PCDHGA7: variants seen among roughly 807,000 people sequenced by gnomAD.
The protein encoded by PCDHGA7 is protocadherin gamma-A7.
PCDHGA7 carries 44 observed loss-of-function variants against 58.3 expected under a neutral mutation model. The observed-to-expected ratio is 0.75, with a 90% CI of 0.59 to 0.97. PCDHGA7 has a LOEUF of 0.97. Among genes scored for constraint, PCDHGA7 ranks in the 50% least tolerant of loss-of-function variants. The pLI, the probability that PCDHGA7 is intolerant of heterozygous loss-of-function variation, is 0.00. For synonymous variants in PCDHGA7, 516 were observed against 504.2 expected, an observed-to-expected ratio of 1.02 and a Z score of -0.31; for missense variants, 1,266 against 1,188.7, an observed-to-expected ratio of 1.06 and a Z score of -0.96.
At chr5:141,428,255 G>C in intron 1 of PCDHGA7, 1 of 875,580 alleles carries the variant, frequency 1.1e-6, no homozygotes, top group Non-Finnish European at 1.8e-6. Flanking sequence ...CCAGACTTCA[G>C]TGACAGTCCT....
intron 1 of PCDHGA7, among the ~76,000 whole-genome samples, chr5:141,402,192 CTT>C (rs1205831935): frequency 6.6e-6 from 1 of 152,006 alleles, no homozygotes; most frequent in Non-Finnish European, 1.5e-5. Flanking sequence ...ATTAATATTA[CTT>C]TTATAATACA....
rs1158395811 is a variant in PCDHGA7, at chr5:141,476,020, T to TCGGCGCC, written c.2425-18785_2425-18779dup. The stretch of plus-strand genomic sequence containing the variant: ...CGGCATCCAGAAAGCCATGTCGGAC[T>TCGGCGCC]CGGCGCCCAGCGCCCAAGCGCTAAC... On this transcript the variant is annotated intron_variant, in intron 1 of 3. Transcript: ENST00000518325. The surrounding 1 kb of genome is among the most constrained non-coding windows in gnomAD (Gnocchi z 7.6). 2.1e-6 allele frequency: 3 copies of TCGGCGCC among 1,398,716 alleles called. No homozygotes were observed. The African/African-American group carries it at 4.3e-5, about 20-fold the overall frequency. The allele number at this position is 1,398,716 out of a possible 1,614,324, so 86.6% of individuals were successfully genotyped here. A position where few individuals can be genotyped will look rare whatever the true frequency, so the allele number is the denominator to read the frequency against.
chr5:141,404,683 GGCACCCCGCTCT>G (rs1306876302), intron 1 of PCDHGA7: 2 of 1,614,070 alleles, frequency 1.2e-6, no homozygotes, highest in Admixed American at 1.7e-5. Context: ...GTGTGGAGCT[GGCACCCCGCTCT>G]GCAGAGCCTG....
At chr5:141,428,400 G>C (rs373595231) in intron 1 of PCDHGA7, 4 of 483,290 alleles carry the variant, frequency 8.3e-6, no homozygotes, top group African/African-American at 2.0e-5. Flanking sequence ...CCTCTGCCTG[G>C]GGTTGCTTTC....
chr5:141,414,801 G>A, intron 1 of PCDHGA7: 2 of 1,614,218 alleles, frequency 1.2e-6, no homozygotes, highest in Non-Finnish European at 1.7e-6. Flanking sequence ...GCGACAGCGG[G>A]GATCCTCCAC....
chr5:141,433,159 T>C, intron 1 of PCDHGA7: 2 of 1,613,968 alleles, frequency 1.2e-6, no homozygotes, highest in Non-Finnish European at 1.7e-6. Flanking sequence ...CGGTATTTTC[T>C]AAAGACAGTC....
In PCDHGA7 at chr5:141,432,255, C is replaced by T. The variant is rs1561859576; in HGVS notation, c.2424+46932C>T. The T allele has an allele frequency of 6.2e-7, 1 of 1,614,246 alleles. No individual in the cohort carries two copies. The highest frequency in any genetic ancestry group is 8.5e-7 in the Non-Finnish European group (1 of 1,180,048). On this transcript the variant is annotated intron_variant, in intron 1 of 3. Transcript: ENST00000518325. This position sits in a 1 kb window ranked among gnomAD's most constrained non-coding sequence, Gnocchi z 6.0. The stretch of plus-strand genomic sequence containing the variant: ...CTGGCTGAGAACACCATCCAAGGGG[C>T]AAGCCTATCGTCCTACGTGTCCATC...
chr5:141,487,826 T>C lies in PCDHGA7; in HGVS notation c.2425-6981T>C, dbSNP rs1321152837. 24 of 1,187,814 alleles carry C rather than the reference T, an allele frequency of 2.0e-5. No homozygotes were observed. The highest frequency in any genetic ancestry group is 2.8e-5 in the Non-Finnish European group (24 of 856,356). The allele number at this position is 1,187,814 out of a possible 1,614,324, so 73.6% of individuals were successfully genotyped here. On this transcript the variant is annotated intron_variant, in intron 1 of 3. Coordinates refer to ENST00000518325, the MANE Select transcript of PCDHGA7 (RefSeq NM_018920.4). The surrounding 1 kb of genome is among the most constrained non-coding windows in gnomAD (Gnocchi z 5.0). ...ACAGTTTAGCATTGGGGGCGGGTCA[T>C]GCCTATATCTGAGTAAGAAATGAAA... is the stretch of plus-strand genomic sequence containing the variant.
In PCDHGA7 at chr5:141,487,598, C is replaced by T. The variant is rs1450685717; in HGVS notation, c.2425-7209C>T. 6.2e-7 allele frequency: 1 copy of T among 1,614,210 alleles called. No homozygotes were observed. The highest frequency in any genetic ancestry group is 8.5e-7 in the Non-Finnish European group (1 of 1,180,046). ...TCGCCCAAGCTGCCCACCCTCTGAT[C>T]TTCTCTATGGGCTAGAGGTGAGACC... is the stretch of plus-strand genomic sequence containing the variant. On this transcript the variant is annotated intron_variant, in intron 1 of 3. Transcript: ENST00000518325. The surrounding 1 kb of genome is among the most constrained non-coding windows in gnomAD (Gnocchi z 5.0).
chr5:141,476,317 G>T lies in PCDHGA7; in HGVS notation c.2425-18490G>T, dbSNP rs759809060. ...GTAGCCTCTCAGCCCGCAGGTTCCG[G>T]GTGGTGTCTGGAGCTAGCCGAAGAT... On this transcript the variant is annotated intron_variant, in intron 1 of 3. Transcript: ENST00000518325. This position sits in a 1 kb window ranked among gnomAD's most constrained non-coding sequence, Gnocchi z 7.6. 1.9e-6 allele frequency: 3 copies of T among 1,614,170 alleles called. No individual in the cohort carries two copies. The highest frequency in any genetic ancestry group is 1.7e-5 in the Admixed American group (1 of 60,024).
At chr5:141,499,186 T>A (rs1332703037) in intron 2 of PCDHGA7, among the ~76,000 whole-genome samples, 2 of 152,036 alleles carry the variant, frequency 1.3e-5, no homozygotes, top group Non-Finnish European at 2.9e-5. Context: ...AGCAAACCAT[T>A]TCCCCCTTCT....
intron 1 of PCDHGA7, chr5:141,424,599 GATTT>G (rs1016470290): frequency 3.9e-5 from 6 of 152,170 alleles, no homozygotes; most frequent in Non-Finnish European, 8.8e-5. Flanking sequence ...GATGTCTACA[GATTT>G]ATTCAAATAG....
chr5:141,423,233 TC>T, intron 1 of PCDHGA7: 1 of 1,613,860 alleles, frequency 6.2e-7, no homozygotes, highest in Non-Finnish European at 8.5e-7. Flanking sequence ...GCCGACAGCA[TC>T]CCCGAAGTCC....
chr5:141,490,874 A>C lies in PCDHGA7; in HGVS notation c.2425-3933A>C. 1 of 1,613,948 alleles carries C rather than the reference A, an allele frequency of 6.2e-7. No homozygotes were observed. The highest frequency in any genetic ancestry group is 1.3e-5 in the African/African-American group (1 of 75,054). The stretch of plus-strand genomic sequence containing the variant: ...CGAGACTCCGGCTCTCCCCCATTGC[A>C]TGCCAACACATCTCTGCATGTGTTT... On this transcript the variant is annotated intron_variant, in intron 1 of 3. Coordinates refer to ENST00000518325, the MANE Select transcript of PCDHGA7 (RefSeq NM_018920.4). The surrounding 1 kb of genome is among the most constrained non-coding windows in gnomAD (Gnocchi z 5.4).
In PCDHGA7 at chr5:141,490,935, G is replaced by A. The variant is rs1371144225; in HGVS notation, c.2425-3872G>A. On this transcript the variant is annotated intron_variant, in intron 1 of 3. Transcript: ENST00000518325. The surrounding 1 kb of genome is among the most constrained non-coding windows in gnomAD (Gnocchi z 5.4). ...AGAATGATAATGCCCCAGCTGTGCTGCACCCACGGCCAGACTGGGAACACT... is the reference window on the plus strand; with the variant it reads ...AGAATGATAATGCCCCAGCTGTGCTACACCCACGGCCAGACTGGGAACACT... 1.9e-6 allele frequency: 3 copies of A among 1,613,638 alleles called. No homozygotes were observed. The highest frequency in any genetic ancestry group is 2.2e-5 in the South Asian group (2 of 91,032).
chr5:141,487,596 A>T lies in PCDHGA7; in HGVS notation c.2425-7211A>T. The stretch of plus-strand genomic sequence containing the variant: ...GTTCGCCCAAGCTGCCCACCCTCTG[A>T]TCTTCTCTATGGGCTAGAGGTGAGA... On this transcript the variant is annotated intron_variant, in intron 1 of 3. Transcript: ENST00000518325. The surrounding 1 kb of genome is among the most constrained non-coding windows in gnomAD (Gnocchi z 5.0). The T allele has an allele frequency of 1.2e-6, 2 of 1,614,108 alleles. No individual in the cohort carries two copies. Among genetic ancestry groups the T allele is most frequent in the Non-Finnish European group, 8.5e-7 (1 of 1,180,024 alleles).
intron 1 of PCDHGA7, chr5:141,388,897 A>G (rs768114504): frequency 6.2e-7 from 1 of 1,613,994 alleles, no homozygotes; most frequent in Non-Finnish European, 8.5e-7. Context: ...GTCATAGATG[A>G]AAATGACAAC....
chr5:141,403,512 A>G (rs751429629), intron 1 of PCDHGA7: 2 of 1,614,020 alleles, frequency 1.2e-6, no homozygotes, highest in Non-Finnish European at 1.7e-6. Context: ...ACTGGAGACA[A>G]TGGAGCCATA....
At chr5:141,415,772 T>TTTTTTA in intron 1 of PCDHGA7, 1 of 1,332,986 alleles carries the variant, frequency 7.5e-7, no homozygotes, top group Non-Finnish European at 9.6e-7. Flanking sequence ...TTTTTTTTTT[T>TTTTTTA]ACTTTCTGGT....
Sources: gnomAD v4.1 joint callset for allele counts (sites outside exome capture counted in the v4.1 genomes callset) on GRCh38, gnomAD v4.1.1 for gene constraint, Gnocchi (gnomAD v3.1) non-coding constraint, MANE v1.5 for transcripts, NCBI Gene and HGNC (gene_info 2026-07-23, HGNC 2026-07-21) for gene names.